The following CDH19 variants were observed in gnomAD, a reference collection of about 807,000 sequenced individuals.
CDH19 encodes the protein cadherin-19.
A neutral mutation model predicts 64.2 loss-of-function variants in CDH19; 67 were observed. That is an observed-to-expected ratio of 1.04 (90% CI 0.86 to 1.28). The LOEUF (loss-of-function observed/expected upper bound fraction) is 1.28. CDH19 is among the 50% of genes most tolerant of loss of function. CDH19 has a pLI of 0.00. For synonymous variants in CDH19, 346 were observed against 319.3 expected, an observed-to-expected ratio of 1.08 and a Z score of -0.89; for missense variants, 1,030 against 929.0, an observed-to-expected ratio of 1.11 and a Z score of -1.41.
intron 5 of CDH19, among the ~76,000 whole-genome samples, chr18:66,546,888 G>A (rs1047576853): frequency 6.6e-6 from 1 of 152,082 alleles, no homozygotes; most frequent in Non-Finnish European, 1.5e-5. Context: ...CAAACAGGCA[G>A]ATAGAAACAC....
chr18:66,597,331 G>A (rs1291121183), intron 1 of CDH19, among the ~76,000 whole-genome samples: 2 of 151,908 alleles, frequency 1.3e-5, no homozygotes, highest in African/African-American at 2.4e-5. Context: ...GATCTTCGAT[G>A]AAGCCATCCA....
intron 5 of CDH19, among the ~76,000 whole-genome samples, chr18:66,547,899 C>T (rs1044304781): frequency 9.8e-5 from 14 of 142,604 alleles, no homozygotes; most frequent in Non-Finnish European, 2.0e-4. Context: ...GATCTCCTGA[C>T]CTCGTGATCC....
chr18:66,536,903 G>A (rs573902271), intron 7 of CDH19, among the ~76,000 whole-genome samples: 14 of 151,734 alleles, frequency 9.2e-5, no homozygotes, highest in African/African-American at 3.4e-4. Flanking sequence ...TCATAAATAT[G>A]TAAACAGCTG....
At chr18:66,519,518 T>G (rs557283173) in intron 9 of CDH19, among the ~76,000 whole-genome samples, 13 of 152,294 alleles carry the variant, frequency 8.5e-5, no homozygotes, top group South Asian at 6.2e-4. Flanking sequence ...TTTTTGTTAT[T>G]GTAGCTTGTT....
chr18:66,553,565 G>C lies in CDH19; in HGVS notation c.610+840C>G, dbSNP rs1042398144. Among the ~76,000 whole-genome samples the C allele has an allele frequency of 2.3e-5, 3 of 132,980 alleles. 1 individual carries two copies. The highest frequency in any genetic ancestry group is 4.6e-5 in the Non-Finnish European group (3 of 65,290). The allele number at this position is 132,980 out of a possible 152,430, so 87.2% of individuals were successfully genotyped here. ...CAACACAATACTTTAATTCTTTAAG[G>C]GTTTTGATATAAGCTGGAAATAGTA... On this transcript the variant is annotated intron_variant, in intron 4 of 11. Transcript: ENST00000262150.
In CDH19 at chr18:66,502,572, T is replaced by A. The variant is rs1389759280; in HGVS notation, c.*2240A>T. On this transcript the variant is annotated 3_prime_UTR_variant, in exon 12 of 12. Transcript: ENST00000262150. ...CATACTTTTTAGTTTTCTACTAAGA[T>A]TACCTAGCATTCTTTTTAAATAAAG... is the stretch of plus-strand genomic sequence containing the variant. 6.6e-6 allele frequency: 1 copy of A among 151,948 alleles called. No individual in the cohort carries two copies. Among genetic ancestry groups the A allele is most frequent in the Non-Finnish European group, 1.5e-5 (1 of 67,904 alleles). The allele number at this position is 151,948 out of a possible 1,614,324, so 9.4% of individuals were successfully genotyped here. A position where few individuals can be genotyped will look rare whatever the true frequency, so the allele number is the denominator to read the frequency against.
Position 66,568,507 on chromosome 18 carries a change from C to T in CDH19, c.399G>A (p.Glu133=), listed in dbSNP as rs201200375. The change falls in exon 3 of 12, where the codon GAG becomes GAA. Residue 133 remains glutamate (E), a synonymous_variant. Transcript: ENST00000262150. ...ATGRAVEPES[E]FVIKVSDIND... is the part of the protein sequence containing the mutation. ...TGATATCCGAAACTTTGATGACAAA[C>T]TCAGACTCAGGTTCCACAGCCCTTC... The T allele has an allele frequency of 2.4e-5, 39 of 1,612,322 alleles. No homozygotes were observed. In the African/African-American group the frequency reaches 3.6e-4, roughly 15 times the overall value.
intron 9 of CDH19, among the ~76,000 whole-genome samples, chr18:66,524,536 T>TTG (rs201628962): frequency 0.035 from 2,886 of 82,248 alleles, 75 homozygotes; most frequent in Admixed American, 0.11. Flanking sequence ...GCGTGTATGT[T>TTG]TGTGTGTATA....
intron 1 of CDH19, among the ~76,000 whole-genome samples, chr18:66,580,657 T>C (rs1233804746): frequency 1.3e-5 from 2 of 152,130 alleles, no homozygotes; most frequent in Non-Finnish European, 2.9e-5. Flanking sequence ...TACCAAGTGC[T>C]ATTTTTCCCT....
chr18:66,547,669 T>TATATACTATATATGTGTA (rs1568191367), intron 5 of CDH19, among the ~76,000 whole-genome samples: 34 of 136,028 alleles, frequency 2.5e-4, no homozygotes, highest in African/African-American at 8.9e-4. Flanking sequence ...AGGTTTTTTT[T>TATATACTATATATGTGTA]TTTTTTTTTT....
At chr18:66,587,326 C>T (rs754058723) in intron 1 of CDH19, among the ~76,000 whole-genome samples, 18 of 152,062 alleles carry the variant, frequency 1.2e-4, no homozygotes, top group Non-Finnish European at 2.4e-4. Context: ...GTGCTGGTTA[C>T]TCCAGACTCA....
chr18:66,577,592 T>C (rs1199826459), intron 1 of CDH19, among the ~76,000 whole-genome samples: 1 of 151,978 alleles, frequency 6.6e-6, no homozygotes, highest in African/African-American at 2.4e-5. Flanking sequence ...GATGAAATAC[T>C]TGTAATTTCT....
chr18:66,553,205 GT>G (rs1299774187), intron 4 of CDH19, among the ~76,000 whole-genome samples: 3 of 134,132 alleles, frequency 2.2e-5, no homozygotes, highest in Non-Finnish European at 4.6e-5. Context: ...ATTATATCTT[GT>G]TTTTGTTACT....
At chr18:66,516,294 A>G (rs1488355823) in intron 9 of CDH19, among the ~76,000 whole-genome samples, 1 of 151,970 alleles carries the variant, frequency 6.6e-6, no homozygotes, top group Non-Finnish European at 1.5e-5. Flanking sequence ...CTGGAAATAG[A>G]GAATCTAGTC....
chr18:66,595,155 T>G (rs868569092), intron 1 of CDH19, among the ~76,000 whole-genome samples: 4 of 151,816 alleles, frequency 2.6e-5, no homozygotes, highest in Non-Finnish European at 5.9e-5. Context: ...AATGAAAATA[T>G]AGACACAACA....
intron 3 of CDH19, among the ~76,000 whole-genome samples, chr18:66,565,663 T>C (rs374301691): frequency 6.6e-6 from 1 of 152,010 alleles, no homozygotes; most frequent in Non-Finnish European, 1.5e-5. Flanking sequence ...AAATCACATA[T>C]AATTTTATTA....
intron 1 of CDH19, among the ~76,000 whole-genome samples, chr18:66,579,200 G>C (rs1005207089): frequency 3.3e-5 from 5 of 151,904 alleles, no homozygotes. Context: ...AAACAAATTA[G>C]ACAACTAACC....
chr18:66,508,901 T>C lies in CDH19; in HGVS notation c.1828+94A>G, dbSNP rs565084237. ...TAGAATTAACTATGTATTTATCATG[T>C]TATTTTAAATAAATGAGTATATGTT... is the stretch of plus-strand genomic sequence containing the variant. On this transcript the variant is annotated intron_variant, in intron 11 of 11. Coordinates refer to ENST00000262150, the MANE Select transcript of CDH19 (RefSeq NM_021153.4). 2.2e-5 allele frequency: 28 copies of C among 1,288,706 alleles called. No homozygotes were observed. In the East Asian group the frequency reaches 6.3e-4, roughly 29 times the overall value. 79.8% of individuals were successfully genotyped at this position (1,288,706 alleles called of 1,614,324 possible).
In CDH19 at chr18:66,504,832, C is replaced by A. The variant is rs763843114; in HGVS notation, c.2299G>T (p.Ala767Ser). Residue 767 changes from alanine (A) to serine (S), a missense_variant, in exon 12 of 12, where the codon GCA becomes TCA. Physicochemically the swap from Ala to Ser is moderately conservative, Grantham distance 99. Transcript: ENST00000262150. Reference protein sequence around the residue: ...FKRLACMFGSAVQSNN With the variant: ...FKRLACMFGSSVQSNN Reference sequence around the variant, plus strand: ...AAGCCCTAATTATTTGACTGCACTGCAGAACCAAACATGCATGCTAATCTT... The same window carrying A: ...AAGCCCTAATTATTTGACTGCACTGAAGAACCAAACATGCATGCTAATCTT... 1 of 1,603,306 alleles carries A rather than the reference C, an allele frequency of 6.2e-7. No homozygotes were observed. Among genetic ancestry groups the A allele is most frequent in the East Asian group, 2.2e-5 (1 of 44,518 alleles).
Sources: gnomAD v4.1 joint callset for allele counts (sites outside exome capture counted in the v4.1 genomes callset) on GRCh38, gnomAD v4.1.1 for gene constraint, MANE v1.5 for transcripts, NCBI Gene and HGNC (gene_info 2026-07-23, HGNC 2026-07-21) for gene names.